ZNF716: variants seen among roughly 807,000 people sequenced by gnomAD.
ZNF716 encodes zinc finger protein 716.
In ZNF716, 9 loss-of-function variants were observed where a neutral mutation model predicts 13.4. The observed-to-expected ratio is 0.67, with a 90% CI of 0.41 to 1.18. The LOEUF (loss-of-function observed/expected upper bound fraction) is 1.18. Ranked by LOEUF, ZNF716 falls within the 50% of genes most tolerant of loss-of-function variation. ZNF716 has a pLI of 0.01. For missense variants in ZNF716, 581 were observed against 576.6 expected, an observed-to-expected ratio of 1.01 and a Z score of -0.08; for synonymous variants, 186 against 195.2, an observed-to-expected ratio of 0.95 and a Z score of 0.39.
At chr7:57,451,642 G>A (rs1035625756) in intron 1 of ZNF716, among the ~76,000 whole-genome samples, 4 of 150,650 alleles carry the variant, frequency 2.7e-5, no homozygotes, top group Non-Finnish European at 5.9e-5. Flanking sequence ...GAGATAGAGT[G>A]TTGCCATGCT....
intron 1 of ZNF716, among the ~76,000 whole-genome samples, chr7:57,457,850 A>C (rs1789631112): frequency 6.6e-6 from 1 of 152,108 alleles, no homozygotes; most frequent in Non-Finnish European, 1.5e-5. Context: ...TTGTTCTCTT[A>C]TCTTTGTCCA....
intron 1 of ZNF716, among the ~76,000 whole-genome samples, 156 bp downstream of exon 1, chr7:57,450,483 G>A (rs574310206): frequency 9.9e-5 from 15 of 152,238 alleles, no homozygotes; most frequent in South Asian, 8.3e-4. Flanking sequence ...CCCCTCGAGC[G>A]TTAAGATGCT....
At position 57,469,919 on chromosome 7, in the gene ZNF716, T is replaced by C. The variant is rs1554325002; in HGVS notation, c.1458T>C (p.His486=). 1.3e-6 allele frequency: 2 copies of C among 1,574,210 alleles called. No homozygotes were observed. Among genetic ancestry groups the C allele is most frequent in the South Asian group, 2.3e-5 (2 of 86,708 alleles). ...HSSLANHKNM[H]TGEKPYKYE Reference sequence around the variant, plus strand: ...GTCTTGCTAATCATAAGAATATGCATACTGGAGAGAAACCCTACAAATATG... The same window carrying C: ...GTCTTGCTAATCATAAGAATATGCACACTGGAGAGAAACCCTACAAATATG... Residue 486 remains histidine (H), a synonymous_variant, in exon 4 of 4, where the codon CAT becomes CAC. Coordinates refer to ENST00000420713, the MANE Select transcript of ZNF716 (RefSeq NM_001159279.1).
chr7:57,460,974 T>TTTA (rs72572273), intron 1 of ZNF716, among the ~76,000 whole-genome samples: 1 of 151,770 alleles, frequency 6.6e-6, no homozygotes, highest in East Asian at 1.9e-4. Context: ...GATTTTTTTT[T>TTTA]ATAATTAAAT....
At chr7:57,463,044 A>G (rs1378166986) in intron 2 of ZNF716, 29 bp from the exon 3 acceptor site, 3 of 1,605,210 alleles carry the variant, frequency 1.9e-6, no homozygotes, top group East Asian at 2.2e-5. Flanking sequence ...AGCCAGATTT[A>G]TGTTACTTTT....
intron 1 of ZNF716, among the ~76,000 whole-genome samples, chr7:57,454,125 T>C (rs1458945039): frequency 6.6e-6 from 1 of 152,192 alleles, no homozygotes; most frequent in Non-Finnish European, 1.5e-5. Context: ...GAGCCACTGC[T>C]CCTGGCCCTG....
In ZNF716 at chr7:57,457,187, C is replaced by T. The variant is rs1789607909; in HGVS notation, c.40-5273C>T. On this transcript the variant is annotated intron_variant, in intron 1 of 3. Coordinates refer to ENST00000420713, the MANE Select transcript of ZNF716 (RefSeq NM_001159279.1). ...TGAATCTGCAGCAGCAACCTGTTTCCTCCACCAATGTAGGGGTCTATACCA... is the reference window on the plus strand; with the variant it reads ...TGAATCTGCAGCAGCAACCTGTTTCTTCCACCAATGTAGGGGTCTATACCA... Among the ~76,000 whole-genome samples, 3 of 152,286 alleles carry T rather than the reference C, an allele frequency of 2.0e-5. No homozygotes were observed. In the South Asian group the frequency reaches 6.2e-4, roughly 32 times the overall value.
Position 57,465,963 on chromosome 7 carries a change from C to T in ZNF716, c.263-2761C>T, listed in dbSNP as rs564978351. On this transcript the variant is annotated intron_variant, in intron 3 of 3. Transcript: ENST00000420713. ...AAACCAAAAACACCACATATTCTCACTTGTAGGTGGGAATTGAACAATGAG... is the reference window on the plus strand; with the variant it reads ...AAACCAAAAACACCACATATTCTCATTTGTAGGTGGGAATTGAACAATGAG... Among the ~76,000 whole-genome samples the T allele has an allele frequency of 4.6e-5, 7 of 151,178 alleles. No homozygotes were observed. The East Asian group carries it at 1.4e-3, about 30-fold the overall frequency.
At chr7:57,454,841 G>A (rs567279449) in intron 1 of ZNF716, among the ~76,000 whole-genome samples, 1 of 152,152 alleles carries the variant, frequency 6.6e-6, no homozygotes, top group South Asian at 2.1e-4. Context: ...TAGCTAACAC[G>A]GTGAAACCCC....
intron 1 of ZNF716, among the ~76,000 whole-genome samples, chr7:57,461,119 A>AAT (rs1554323015): frequency 0.012 from 1,815 of 150,902 alleles, 45 homozygotes; most frequent in African/African-American, 0.042. Context: ...AAAAAAAAAA[A>AAT]ATACAAAAAT....
In ZNF716 at chr7:57,450,378, T is replaced by C. The variant is rs190868129; in HGVS notation, c.39+51T>C. The C allele has an allele frequency of 1.4e-3, 2,292 of 1,613,592 alleles. 2 individuals are homozygous for C. Among genetic ancestry groups the C allele is most frequent in the Admixed American group, 2.0e-3 (123 of 60,002 alleles). On this transcript the variant is annotated intron_variant, in intron 1 of 3. Coordinates refer to ENST00000420713, the MANE Select transcript of ZNF716 (RefSeq NM_001159279.1). The stretch of plus-strand genomic sequence containing the variant: ...GAGAGGGGTGGGGGCTGGTTGGAAC[T>C]GACTGAAAGTGGCTGTAGCAGGACC...
chr7:57,454,138 A>T (rs1203005752), intron 1 of ZNF716, among the ~76,000 whole-genome samples: 3 of 152,060 alleles, frequency 2.0e-5, no homozygotes, highest in Non-Finnish European at 4.4e-5. Flanking sequence ...TGGCCCTGTT[A>T]TCTTGATTTC....
At chr7:57,450,360 G>A (rs781990819) in intron 1 of ZNF716, 33 bp downstream of exon 1, 3 of 1,613,878 alleles carry the variant, frequency 1.9e-6, no homozygotes, top group Admixed American at 1.7e-5. Context: ...TGAGAGAGGG[G>A]TGGGGGCTGG....
intron 1 of ZNF716, among the ~76,000 whole-genome samples, chr7:57,452,295 A>G (rs1384413008): frequency 6.6e-6 from 1 of 151,436 alleles, no homozygotes; most frequent in East Asian, 2.0e-4. Flanking sequence ...GTGTCATTCA[A>G]TGTCAAATGG....
At chr7:57,464,810 A>C (rs1554323811) in intron 3 of ZNF716, among the ~76,000 whole-genome samples, 1 of 152,138 alleles carries the variant, frequency 6.6e-6, no homozygotes, top group African/African-American at 2.4e-5. Flanking sequence ...TCCAGTTTTC[A>C]ACATTGTCTG....
chr7:57,467,273 G>A (rs1186552161), intron 3 of ZNF716, among the ~76,000 whole-genome samples: 9 of 151,782 alleles, frequency 5.9e-5, no homozygotes, highest in South Asian at 4.2e-4. Context: ...AATGTTTTCC[G>A]CATGATCACA....
chr7:57,456,102 C>T (rs1417657618), intron 1 of ZNF716, among the ~76,000 whole-genome samples: 2 of 151,906 alleles, frequency 1.3e-5, no homozygotes, highest in African/African-American at 2.4e-5. Flanking sequence ...ATTACAGGCA[C>T]CCACCACCAT....
intron 1 of ZNF716, among the ~76,000 whole-genome samples, chr7:57,461,640 A>T (rs1258737804): frequency 9.2e-5 from 14 of 152,130 alleles, no homozygotes; most frequent in Admixed American, 7.9e-4. Context: ...TCTGCCATTT[A>T]CTAGATGTTT....
chr7:57,468,199 C>T (rs1439561730), intron 3 of ZNF716, among the ~76,000 whole-genome samples: 1 of 152,172 alleles, frequency 6.6e-6, no homozygotes, highest in Middle Eastern at 3.2e-3. Context: ...CTACTTTCTA[C>T]ACCTGTTTTC....
Sources: allele counts gnomAD v4.1 joint callset (sites outside exome capture counted in the v4.1 genomes callset), GRCh38; gene constraint gnomAD v4.1.1; transcripts MANE v1.5; gene names NCBI Gene and HGNC (gene_info 2026-07-23, HGNC 2026-07-21).